The following LPIN1 variants were observed in gnomAD, a reference collection of about 807,000 sequenced individuals.
LPIN1 encodes lipin 1.
A neutral mutation model predicts 107.5 loss-of-function variants in LPIN1; 71 were observed. The observed-to-expected ratio is 0.66, with a 90% confidence interval of 0.55 to 0.80. The LOEUF is 0.80. LPIN1 is among the 30% of genes least tolerant of loss of function. The probability of loss-of-function intolerance (pLI) is 0.00; values close to 1 mark genes in which losing one functional copy is unlikely to be tolerated. For missense variants in LPIN1, 1,043 were observed against 1,160.6 expected (o/e 0.90, Z 1.47); for synonymous variants, 445 against 452.6 (o/e 0.98, Z 0.21).
At chr2:11,763,912 A>G (rs1670267917) in intron 1 of LPIN1, among the ~76,000 whole-genome samples, 1 of 150,776 alleles carries the variant, frequency 6.6e-6, no homozygotes, top group Admixed American at 6.6e-5. Flanking sequence ...CCTTGATCAT[A>G]ACTCCCTTAG....
At chr2:11,688,858 T>C (rs1012434281) in intron 1 of LPIN1, among the ~76,000 whole-genome samples, 1 of 152,108 alleles carries the variant, frequency 6.6e-6, no homozygotes, top group Non-Finnish European at 1.5e-5. Flanking sequence ...CAGGCAGAAA[T>C]TGAGTTATTA....
chr2:11,737,122 C>G (rs1476408748), intron 1 of LPIN1, among the ~76,000 whole-genome samples: 1 of 152,202 alleles, frequency 6.6e-6, no homozygotes, highest in Non-Finnish European at 1.5e-5. Context: ...CTGACAAAAA[C>G]AAGCAATGGG....
intron 1 of LPIN1, among the ~76,000 whole-genome samples, chr2:11,700,812 G>A (rs145665865): frequency 1.5e-3 from 221 of 152,274 alleles, no homozygotes; most frequent in African/African-American, 4.8e-3. Context: ...CACACGATTC[G>A]TCCTCGCTCT....
rs548593208 is a variant in LPIN1, at chr2:11,737,176, G to C, written c.-71-4173G>C. Among the ~76,000 whole-genome samples the C allele has an allele frequency of 6.6e-4, 101 of 152,318 alleles. 1 individual carries two copies. The highest frequency in any genetic ancestry group is 2.4e-3 in the African/African-American group (99 of 41,574). ...TAAATGGTGCTGGGAAAACTGGCTA[G>C]CCATATGCAGAAAACTGAAACTGGA... is the stretch of plus-strand genomic sequence containing the variant. On this transcript the variant is annotated intron_variant, in intron 1 of 21. Coordinates refer to the LPIN1 transcript ENST00000396097.
rs1022578267 is a variant in LPIN1 at position 11,774,682 on chromosome 2, G to A, written c.722+937G>A. 2.2e-4 allele frequency among the ~76,000 whole-genome samples: 34 copies of A among 152,214 alleles called. No homozygotes were observed. Among genetic ancestry groups the A allele is most frequent in the African/African-American group, 7.9e-4 (33 of 41,540 alleles). ...TACCTGAAGCCGGTCTTATCAAAAC[G>A]CCACCCCTGGTTCCAGTTTGATCAG... On this transcript the variant is annotated intron_variant, in intron 5 of 20. Coordinates refer to ENST00000674199, the MANE Select transcript of LPIN1 (RefSeq NM_001349206.2). The surrounding 1 kb of genome is among the most constrained non-coding windows in gnomAD (Gnocchi z 4.4).
rs74353184 is a variant in LPIN1, at chr2:11,701,012, C to T, written c.82-12744C>T. Among the ~76,000 whole-genome samples, 921 of 152,320 alleles carry T rather than the reference C, an allele frequency of 6.0e-3. 2 individuals carry two copies. Among genetic ancestry groups the T allele is most frequent in the Non-Finnish European group, 0.01 (696 of 68,026 alleles). ...AGTCTAATCTCTGTGCAGCCTCTCCCTTCCTTGGCCCTGCTCCCCCTCACT... is the reference window on the plus strand; with the variant it reads ...AGTCTAATCTCTGTGCAGCCTCTCCTTTCCTTGGCCCTGCTCCCCCTCACT... On this transcript the variant is annotated intron_variant, in intron 1 of 21. Transcript: ENST00000449576.
At chr2:11,813,866 A>G (rs376267872) in intron 17 of LPIN1, among the ~76,000 whole-genome samples, 121 of 152,190 alleles carry the variant, frequency 8.0e-4, no homozygotes, top group African/African-American at 2.9e-3. Context: ...GTGCGCCAAG[A>G]TCACGCCACT....
chr2:11,785,393 C>T (rs1240121510), intron 10 of LPIN1, among the ~76,000 whole-genome samples: 1 of 152,060 alleles, frequency 6.6e-6, no homozygotes, highest in Non-Finnish European at 1.5e-5. Context: ...GTGTCGGCAG[C>T]GAGAGAGAAG....
chr2:11,705,669 A>C (rs779577019), intron 1 of LPIN1, among the ~76,000 whole-genome samples: 9 of 152,172 alleles, frequency 5.9e-5, no homozygotes, highest in Non-Finnish European at 1.3e-4. Context: ...AGGGGTTGAA[A>C]TGCTAGTGTG....
chr2:11,716,360 T>C (rs981274277), intron 2 of LPIN1, among the ~76,000 whole-genome samples: 12 of 152,038 alleles, frequency 7.9e-5, no homozygotes, highest in African/African-American at 2.7e-4. Flanking sequence ...GGAAGGGCAA[T>C]AGGGGCGAAA....
intron 14 of LPIN1, among the ~76,000 whole-genome samples, chr2:11,799,231 A>G (rs1572899467): frequency 6.6e-6 from 1 of 152,114 alleles, no homozygotes; most frequent in African/African-American, 2.4e-5. Context: ...CAAACATGGC[A>G]TGCTGCACAA....
chr2:11,760,619 G>A (rs1050539648), intron 1 of LPIN1, among the ~76,000 whole-genome samples: 1 of 152,288 alleles, frequency 6.6e-6, no homozygotes, highest in South Asian at 2.1e-4. Flanking sequence ...GCAGTGAGCC[G>A]AGATGGCGGC....
intron 7 of LPIN1, 48 bp downstream of exon 7, chr2:11,779,693 C>T: frequency 1.9e-6 from 3 of 1,611,240 alleles, no homozygotes; most frequent in Non-Finnish European, 2.5e-6. Context: ...TCTAACTCAG[C>T]TTAAATTACA....
At chr2:11,693,862 T>C (rs1301148461) in intron 1 of LPIN1, among the ~76,000 whole-genome samples, 1 of 114,930 alleles carries the variant, frequency 8.7e-6, no homozygotes, top group African/African-American at 3.4e-5. Context: ...TGAGATGGAG[T>C]CTCGCTCAGT....
At position 11,708,988 on chromosome 2, in the gene LPIN1, A is replaced by G. The variant is rs144237575; in HGVS notation, c.82-4768A>G. ...AGAGGGGAAATGGAGGCTCAGGAAT[A>G]TTAAATGAATTGCTCAAGACCACAC... On this transcript the variant is annotated intron_variant, in intron 1 of 21. Coordinates refer to the LPIN1 transcript ENST00000449576. 2.0e-5 allele frequency among the ~76,000 whole-genome samples: 3 copies of G among 152,324 alleles called. No homozygotes were observed. The East Asian group carries it at 5.8e-4, about 29-fold the overall frequency.
chr2:11,770,232 G>T (rs1041440409), intron 3 of LPIN1, among the ~76,000 whole-genome samples: 1 of 152,224 alleles, frequency 6.6e-6, no homozygotes, highest in East Asian at 1.9e-4. Context: ...TATGGGGGCT[G>T]CTTGCTGGTC....
At chr2:11,752,932 A>G (rs1043109676) in intron 1 of LPIN1, among the ~76,000 whole-genome samples, 9 of 152,222 alleles carry the variant, frequency 5.9e-5, no homozygotes, top group Non-Finnish European at 8.8e-5. Flanking sequence ...TCGTGAGGCA[A>G]GAAACCATGT....
At chr2:11,747,990 C>A (rs1364213889) in intron 1 of LPIN1, among the ~76,000 whole-genome samples, 1 of 152,222 alleles carries the variant, frequency 6.6e-6, no homozygotes, top group East Asian at 1.9e-4. Flanking sequence ...CGAGTTCTTT[C>A]ACCCACCCAG....
intron 14 of LPIN1, among the ~76,000 whole-genome samples, chr2:11,800,697 C>T (rs553689815): frequency 9.9e-4 from 151 of 152,016 alleles, no homozygotes; most frequent in African/African-American, 3.4e-3. Context: ...GAGGCAGGGG[C>T]GGGGGAAACA....
Sources: gnomAD v4.1 joint callset for allele counts (sites outside exome capture counted in the v4.1 genomes callset) on GRCh38, gnomAD v4.1.1 for gene constraint, Gnocchi (gnomAD v3.1) non-coding constraint, MANE v1.5 for transcripts, NCBI Gene and HGNC (gene_info 2026-07-23, HGNC 2026-07-21) for gene names.